The following PIP5K1B variants were observed in gnomAD, a reference collection of about 807,000 sequenced individuals.
PIP5K1B encodes phosphatidylinositol 4-phosphate 5-kinase type-1 beta.
In PIP5K1B, 42 loss-of-function variants were observed where a neutral mutation model predicts 67.0. The observed-to-expected ratio is 0.63, with a 90% CI of 0.49 to 0.81. PIP5K1B has a LOEUF of 0.81. PIP5K1B is among the 30% of genes least tolerant of loss of function. PIP5K1B has a pLI of 0.00. For missense variants in PIP5K1B, 459 were observed against 646.3 expected, an observed-to-expected ratio of 0.71 and a Z score of 3.14; for synonymous variants, 214 against 231.4, an observed-to-expected ratio of 0.92 and a Z score of 0.68.
At chr9:68,829,359 C>G (rs982221090) in intron 4 of PIP5K1B, among the ~76,000 whole-genome samples, 2 of 152,100 alleles carry the variant, frequency 1.3e-5, no homozygotes, top group Non-Finnish European at 2.9e-5. Flanking sequence ...GATGAATGAC[C>G]CTTTGGTATT....
At chr9:68,812,284 G>A (rs1833211595) in intron 2 of PIP5K1B, among the ~76,000 whole-genome samples, 2 of 152,202 alleles carry the variant, frequency 1.3e-5, no homozygotes, top group African/African-American at 4.8e-5. Flanking sequence ...ACACATCGTA[G>A]TTGCTCAATA....
chr9:68,997,433 C>T (rs767053403), intron 15 of PIP5K1B, among the ~76,000 whole-genome samples: 1 of 152,158 alleles, frequency 6.6e-6, no homozygotes, highest in Admixed American at 6.6e-5. Flanking sequence ...GGAGAGAACT[C>T]GATCCCCTAC....
chr9:68,709,827 T>C (rs1465393745), intron 1 of PIP5K1B, among the ~76,000 whole-genome samples: 1 of 152,162 alleles, frequency 6.6e-6, no homozygotes, highest in Non-Finnish European at 1.5e-5. Flanking sequence ...AGAGGATCAC[T>C]GGAGCCTAGG....
chr9:68,921,509 A>G (rs1036762889), intron 11 of PIP5K1B, among the ~76,000 whole-genome samples: 2 of 152,034 alleles, frequency 1.3e-5, no homozygotes, highest in African/African-American at 4.8e-5. Context: ...GACCATTTCA[A>G]TTTCCTGTTA....
chr9:68,706,407 A>C (rs73646758), intron 1 of PIP5K1B, among the ~76,000 whole-genome samples: 4,834 of 152,218 alleles, frequency 0.032, 267 homozygotes, highest in African/African-American at 0.11. Context: ...GAACAGAAGA[A>C]AACAAATGTC....
At chr9:68,930,072 G>C (rs1345766423) in intron 12 of PIP5K1B, among the ~76,000 whole-genome samples, 1 of 152,164 alleles carries the variant, frequency 6.6e-6, no homozygotes, top group Non-Finnish European at 1.5e-5. Flanking sequence ...GACTTCCCTG[G>C]TTGCCTTCCA....
chr9:68,950,682 G>C (rs1462197866), intron 14 of PIP5K1B, among the ~76,000 whole-genome samples: 1 of 152,184 alleles, frequency 6.6e-6, no homozygotes, highest in African/African-American at 2.4e-5. Flanking sequence ...TAGCTGGGGG[G>C]TCTGCAAGAA....
chr9:68,889,157 G>T, intron 7 of PIP5K1B, 24 bp downstream of exon 7: 1 of 1,561,170 alleles, frequency 6.4e-7, no homozygotes, highest in Non-Finnish European at 8.7e-7. Flanking sequence ...CATCATTAAT[G>T]CTTCTACTTG....
chr9:68,894,160 G>A (rs572251921), intron 7 of PIP5K1B, among the ~76,000 whole-genome samples, 179 bp from the exon 8 acceptor site: 9 of 152,204 alleles, frequency 5.9e-5, no homozygotes, highest in African/African-American at 2.2e-4. Flanking sequence ...TAAAATTGCT[G>A]TCCAGTAAGC....
chr9:68,970,616 C>T (rs1010214282), intron 14 of PIP5K1B, among the ~76,000 whole-genome samples: 1 of 152,142 alleles, frequency 6.6e-6, no homozygotes, highest in Non-Finnish European at 1.5e-5. Flanking sequence ...TGGTGTGTAC[C>T]CTTTTTCAGG....
At chr9:68,957,942 C>G (rs1329581188) in intron 14 of PIP5K1B, among the ~76,000 whole-genome samples, 6 of 151,718 alleles carry the variant, frequency 4.0e-5, no homozygotes, top group South Asian at 2.1e-4. Flanking sequence ...GGTGCAATCT[C>G]AGCTCACTGC....
intron 2 of PIP5K1B, chr9:68,781,038 C>T (rs375220098): frequency 1.9e-6 from 3 of 1,604,580 alleles, no homozygotes; most frequent in East Asian, 2.2e-5. Flanking sequence ...ATTCACTCAT[C>T]CTGAGACTTT....
intron 2 of PIP5K1B, among the ~76,000 whole-genome samples, chr9:68,776,655 T>C (rs571767624): frequency 6.6e-6 from 1 of 151,944 alleles, no homozygotes; most frequent in East Asian, 1.9e-4. Context: ...TTTTTTAAAA[T>C]ATAAGTAATA....
intron 1 of PIP5K1B, among the ~76,000 whole-genome samples, chr9:68,733,995 T>C (rs1828598167): frequency 6.6e-6 from 1 of 152,210 alleles, no homozygotes; most frequent in African/African-American, 2.4e-5. Context: ...GGCAGTAGAA[T>C]GTATTGTGGT....
At chr9:68,722,154 AT>A (rs1025460763) in intron 1 of PIP5K1B, among the ~76,000 whole-genome samples, 65 of 152,060 alleles carry the variant, frequency 4.3e-4, no homozygotes, top group African/African-American at 1.4e-3. Flanking sequence ...CAGGGATCAT[AT>A]CTTTGCCTGC....
At chr9:68,971,139 T>C (rs1829344339) in intron 14 of PIP5K1B, among the ~76,000 whole-genome samples, 1 of 152,148 alleles carries the variant, frequency 6.6e-6, no homozygotes, top group Non-Finnish European at 1.5e-5. Context: ...CTCCTAATGA[T>C]AGAGTGCCCC....
intron 14 of PIP5K1B, among the ~76,000 whole-genome samples, chr9:68,973,288 A>G (rs1333738338): frequency 6.6e-6 from 1 of 152,252 alleles, no homozygotes; most frequent in Non-Finnish European, 1.5e-5. Context: ...ACAAGAAAAA[A>G]AAATCTAAGG....
chr9:68,788,732 G>A (rs1831778660), intron 2 of PIP5K1B: 1 of 266,938 alleles, frequency 3.7e-6, no homozygotes, highest in Non-Finnish European at 7.7e-6. Flanking sequence ...TGGGCATCTG[G>A]CTGGTGACTA....
At chr9:68,925,698 G>A (rs10781282) in intron 12 of PIP5K1B, among the ~76,000 whole-genome samples, 120,135 of 151,714 alleles carry the variant, frequency 0.79, 48,527 homozygotes, top group East Asian at 0.99. Context: ...TGACATCACC[G>A]TAAATTATTT....
Sources: allele counts gnomAD v4.1 joint callset (sites outside exome capture counted in the v4.1 genomes callset), GRCh38; gene constraint gnomAD v4.1.1; transcripts MANE v1.5; gene names NCBI Gene and HGNC (gene_info 2026-07-23, HGNC 2026-07-21).